Variants in ARAP1 observed in about 807,000 individuals in gnomAD.
ARAP1 encodes the protein arf-GAP with Rho-GAP domain, ANK repeat and PH domain-containing protein 1.
Under a neutral mutation model 172.2 loss-of-function variants are expected in ARAP1, and 76 were observed. The ratio of observed to expected loss-of-function variants is 0.44; its 90% CI spans 0.37 to 0.53. The LOEUF (loss-of-function observed/expected upper bound fraction) is 0.53. Among genes scored for constraint, ARAP1 ranks in the 20% least tolerant of loss-of-function variants. ARAP1 has a pLI of 0.00. For missense variants in ARAP1, 1,686 were observed against 1,977.5 expected (o/e 0.85, Z 2.80); for synonymous variants, 804 against 803.3 (o/e 1.00, Z -0.01).
rs1412190602 is a variant in ARAP1 at position 72,710,022 on chromosome 11, G to C, written c.1417-46C>G. The C allele has an allele frequency of 6.5e-6, 10 of 1,544,918 alleles. No individual in the cohort carries two copies. Among genetic ancestry groups the C allele is most frequent in the Admixed American group, 1.7e-5 (1 of 59,908 alleles). Reference sequence around the variant, plus strand: ...GATGAGGGCAAGGCTTTGGGGGCAGGGCGTGAGGCTTGGGACAGGGAGAGG... The same window carrying C: ...GATGAGGGCAAGGCTTTGGGGGCAGCGCGTGAGGCTTGGGACAGGGAGAGG... On this transcript the variant is annotated intron_variant, in intron 10 of 34. Coordinates refer to ENST00000393609, the MANE Select transcript of ARAP1 (RefSeq NM_001040118.3). This position sits in a 1 kb window ranked among gnomAD's most constrained non-coding sequence, Gnocchi z 4.3.
intron 1 of ARAP1, among the ~76,000 whole-genome samples, chr11:72,739,594 C>G: frequency 6.6e-6 from 1 of 152,216 alleles, no homozygotes; most frequent in East Asian, 1.9e-4. Flanking sequence ...CAAGTCACAT[C>G]ACATTCTGAG....
At position 72,710,787 on chromosome 11, in the gene ARAP1, C is replaced by T. The variant is rs1197086341; in HGVS notation, c.1214-200G>A. ...TGATGCTGGGCAAGTGACCTCACCC[C>T]TCCAAGCCTGCTCCCGCTGATTGTG... On this transcript the variant is annotated intron_variant, in intron 9 of 34. Coordinates refer to ENST00000393609, the MANE Select transcript of ARAP1 (RefSeq NM_001040118.3). This position sits in a 1 kb window ranked among gnomAD's most constrained non-coding sequence, Gnocchi z 4.3. Among the ~76,000 whole-genome samples, 4 of 152,232 alleles carry T rather than the reference C, an allele frequency of 2.6e-5. No homozygotes were observed. Among genetic ancestry groups the T allele is most frequent in the Non-Finnish European group, 5.9e-5 (4 of 68,038 alleles).
chr11:72,709,695 G>A, intron 11 of ARAP1, 175 bp downstream of exon 11: 1 of 687,186 alleles, frequency 1.5e-6, no homozygotes, highest in African/African-American at 1.7e-5. Flanking sequence ...CCTCTCAGGA[G>A]GGAAGGAGAT....
chr11:72,716,971 C>T (rs527589672), intron 3 of ARAP1, among the ~76,000 whole-genome samples: 9 of 152,282 alleles, frequency 5.9e-5, no homozygotes, highest in Non-Finnish European at 8.8e-5. Context: ...TGCACCAGGC[C>T]GTCTCCCCTA....
chr11:72,695,900 G>A lies in ARAP1; in HGVS notation c.3273-35C>T, dbSNP rs1373748120. 1.3e-6 allele frequency: 2 copies of A among 1,591,088 alleles called. No individual in the cohort carries two copies. Among genetic ancestry groups the A allele is most frequent in the South Asian group, 2.3e-5 (2 of 86,018 alleles). On this transcript the variant is annotated intron_variant, in intron 23 of 34. Coordinates refer to ENST00000393609, the MANE Select transcript of ARAP1 (RefSeq NM_001040118.3). The surrounding 1 kb of genome is among the most constrained non-coding windows in gnomAD (Gnocchi z 4.4). ...GGAGGAGGAGGGCTTTGAGTGAGGAGTCAGGCCAGAGCTTCCCATCTCACC... is the reference window on the plus strand; with the variant it reads ...GGAGGAGGAGGGCTTTGAGTGAGGAATCAGGCCAGAGCTTCCCATCTCACC...
At chr11:72,711,565 A>G in intron 7 of ARAP1, 66 bp from the exon 8 acceptor site, 1 of 1,326,918 alleles carries the variant, frequency 7.5e-7, no homozygotes, top group East Asian at 2.3e-5. Context: ...GGACCACCCC[A>G]GCCCTCAGAA....
At chr11:72,698,278 A>T (rs1856310981) in intron 18 of ARAP1, among the ~76,000 whole-genome samples, 172 bp from the exon 19 acceptor site, 1 of 152,118 alleles carries the variant, frequency 6.6e-6, no homozygotes, top group African/African-American at 2.4e-5. Context: ...GCCCCACTTC[A>T]TACCCACTCA....
At chr11:72,714,021 CG>C in intron 4 of ARAP1, 130 bp downstream of exon 4, 1 of 1,059,488 alleles carries the variant, frequency 9.4e-7, no homozygotes, top group Non-Finnish European at 1.3e-6. Context: ...GTGACCTGCC[CG>C]GGGCCACACA....
intron 7 of ARAP1, 68 bp from the exon 8 acceptor site, chr11:72,711,567 C>T: frequency 7.5e-7 from 1 of 1,326,356 alleles, no homozygotes. Context: ...ACCACCCCAG[C>T]CCTCAGAAGC....
intron 3 of ARAP1, chr11:72,722,437 A>C: frequency 2.5e-6 from 2 of 808,852 alleles, no homozygotes; most frequent in Non-Finnish European, 3.0e-6. Flanking sequence ...GAGACAACCA[A>C]CAGTGTCCAC....
Position 72,705,834 on chromosome 11 carries a change from T to C in ARAP1, c.1780A>G (p.Arg594Gly). 3 of 1,614,162 alleles carry C rather than the reference T, an allele frequency of 1.9e-6. No individual in the cohort carries two copies. In the South Asian group the frequency reaches 3.3e-5, roughly 18 times the overall value. ...ATAAGTGTTTCTGTCCACACCTTCC[T>C]GTCCATCTTCAGGCTCCGCACCTTG... ...VSKVRSLKMD[R>G]KVWTETLIEL... The change falls in exon 13 of 35, where the codon AGG (arginine) becomes GGG (glycine). Residue 594 changes from arginine to glycine, a missense_variant. Physicochemically the swap from Arg to Gly is moderately radical, Grantham distance 125. This residue lies in a region of ARAP1 where 688 missense variants were observed against 856.9 expected (regional missense o/e 0.80). Coordinates refer to ENST00000393609, the MANE Select transcript of ARAP1 (RefSeq NM_001040118.3).
In ARAP1 at chr11:72,741,885, G is replaced by T. The variant is rs1258381885; in HGVS notation, c.-127-9288C>A. 6.6e-6 allele frequency among the ~76,000 whole-genome samples: 1 copy of T among 152,168 alleles called. No individual in the cohort carries two copies. The highest frequency in any genetic ancestry group is 2.4e-5 in the African/African-American group (1 of 41,444). The stretch of plus-strand genomic sequence containing the variant: ...AAACCTAAAGCTCCTGCCCACCAAG[G>T]AGGAGGGACTTGGTGGGCTCCTCTG... On this transcript the variant is annotated intron_variant, in intron 1 of 34. Coordinates refer to ENST00000393609, the MANE Select transcript of ARAP1 (RefSeq NM_001040118.3). This position sits in a 1 kb window ranked among gnomAD's most constrained non-coding sequence, Gnocchi z 4.5.
rs952199639 is a variant in ARAP1 at position 72,725,342 on chromosome 11, C to T, written c.509+1278G>A. The stretch of plus-strand genomic sequence containing the variant: ...TCTTTTTCTCTCTCTCTCTCCCCCC[C>T]ACAAGCTGATGGGGTTGAAATAGAA... On this transcript the variant is annotated intron_variant, in intron 3 of 34. Coordinates refer to ENST00000393609, the MANE Select transcript of ARAP1 (RefSeq NM_001040118.3). This position sits in a 1 kb window ranked among gnomAD's most constrained non-coding sequence, Gnocchi z 4.3. Among the ~76,000 whole-genome samples the T allele has an allele frequency of 1.5e-4, 22 of 150,890 alleles. No homozygotes were observed. The highest frequency in any genetic ancestry group is 4.1e-4 in the African/African-American group (17 of 41,300).
intron 31 of ARAP1, 85 bp from the exon 32 acceptor site, chr11:72,687,823 C>T (rs1855755125): frequency 4.6e-6 from 7 of 1,510,870 alleles, no homozygotes; most frequent in Non-Finnish European, 6.4e-6. Context: ...GCCCAGAAGC[C>T]ACAGCCAGAG....
rs530191262 is a variant in ARAP1, at chr11:72,690,418, G to A, written c.3988-1881C>T. Among the ~76,000 whole-genome samples, 5 of 152,306 alleles carry A rather than the reference G, an allele frequency of 3.3e-5. No homozygotes were observed. The South Asian group carries it at 1.0e-3, about 32-fold the overall frequency. On this transcript the variant is annotated intron_variant, in intron 30 of 34. Coordinates refer to ENST00000393609, the MANE Select transcript of ARAP1 (RefSeq NM_001040118.3). Reference sequence around the variant, plus strand: ...ATGTCAGTCAATGCAATCTCCTTTTGAGAATGAATCCCCCAAGCTGGAGTG... The same window carrying A: ...ATGTCAGTCAATGCAATCTCCTTTTAAGAATGAATCCCCCAAGCTGGAGTG...
Position 72,693,543 on chromosome 11 carries a change from GCTGCCCCATC to G in ARAP1, c.3809-83_3809-74del. On this transcript the variant is annotated intron_variant, in intron 28 of 34. Transcript: ENST00000393609. This position sits in a 1 kb window ranked among gnomAD's most constrained non-coding sequence, Gnocchi z 4.6. ...GGGGCTGGGTCCCAGGATGAAGGAAGCTGCCCCATCCTGCCCCAGCCTCTCCATAGAGGCC... is the reference window on the plus strand; with the variant it reads ...GGGGCTGGGTCCCAGGATGAAGGAAGCTGCCCCAGCCTCTCCATAGAGGCC... The G allele has an allele frequency of 6.4e-7, 1 of 1,565,994 alleles. No homozygotes were observed. Among genetic ancestry groups the G allele is most frequent in the Non-Finnish European group, 8.7e-7 (1 of 1,153,082 alleles).
intron 11 of ARAP1, among the ~76,000 whole-genome samples, chr11:72,709,230 T>C (rs1379740298): frequency 6.6e-6 from 1 of 151,866 alleles, no homozygotes; most frequent in Non-Finnish European, 1.5e-5. Context: ...AGTGGAAGGG[T>C]TGGGAGTGAT....
intron 12 of ARAP1, among the ~76,000 whole-genome samples, chr11:72,706,394 C>G (rs1239063944): frequency 6.6e-6 from 1 of 152,202 alleles, no homozygotes; most frequent in African/African-American, 2.4e-5. Context: ...CTTCCCTAGA[C>G]TTGCTCCTCC....
At chr11:72,690,402 A>G (rs751558730) in intron 30 of ARAP1, among the ~76,000 whole-genome samples, 3 of 152,300 alleles carry the variant, frequency 2.0e-5, no homozygotes, top group African/African-American at 4.8e-5. Context: ...GATGTCAGTC[A>G]ATGCAATCTC....
Sources: gnomAD v4.1 joint callset for allele counts (sites outside exome capture counted in the v4.1 genomes callset) on GRCh38, gnomAD v4.1.1 for gene constraint, gnomAD v4.1.1 regional missense constraint, Gnocchi (gnomAD v3.1) non-coding constraint, MANE v1.5 for transcripts, NCBI Gene and HGNC (gene_info 2026-07-23, HGNC 2026-07-21) for gene names.